The following EIF2S3B variants were observed in gnomAD, a reference collection of about 807,000 sequenced individuals.
EIF2S3B encodes eukaryotic translation initiation factor 2 subunit gamma B, also known as eukaryotic translation initiation factor 2 subunit 3B.
A neutral mutation model predicts 26.4 loss-of-function variants in EIF2S3B; 16 were observed. The observed-to-expected ratio is 0.61, with a 90% CI of 0.41 to 0.92. The LOEUF (loss-of-function observed/expected upper bound fraction) is 0.92, where lower values mean the gene tolerates loss of function less well. EIF2S3B is among the 40% of genes least tolerant of loss of function. The pLI is 0.00. For missense variants in EIF2S3B, 510 were observed against 575.5 expected, an observed-to-expected ratio of 0.89 and a Z score of 1.16; for synonymous variants, 183 against 204.4, an observed-to-expected ratio of 0.90 and a Z score of 0.89.
chr12:10,518,307 A>T (rs1353318905), intron 1 of EIF2S3B, among the ~76,000 whole-genome samples: 1 of 152,118 alleles, frequency 6.6e-6, no homozygotes, highest in African/African-American at 2.4e-5. Flanking sequence ...TTGGGTGCAT[A>T]TATATTTAGG....
chr12:10,510,572 C>G (rs1225405021), downstream of EIF2S3B, among the ~76,000 whole-genome samples: 1 of 152,174 alleles, frequency 6.6e-6, no homozygotes, highest in Admixed American at 6.5e-5. Context: ...CACCCACACT[C>G]CATCCCCAAG....
downstream of EIF2S3B, among the ~76,000 whole-genome samples, chr12:10,511,739 T>G (rs1864706282): frequency 6.6e-6 from 1 of 152,192 alleles, no homozygotes; most frequent in Non-Finnish European, 1.5e-5. Flanking sequence ...TGTTGAAGTT[T>G]ATAATGGATT....
downstream of EIF2S3B, among the ~76,000 whole-genome samples, chr12:10,510,214 G>T (rs1864690933): frequency 6.6e-6 from 1 of 152,082 alleles, no homozygotes; most frequent in African/African-American, 2.4e-5. Context: ...GTGCTTCCAG[G>T]TCTCTTTAAT....
Position 10,506,665 on chromosome 12 carries a change from C to T in EIF2S3B, c.763C>T (p.Arg255Trp), listed in dbSNP as rs112622665. Reference sequence around the variant, plus strand: ...CCCAAGAGACTTTACTTCAGAGCCCCGGCTTATTGTTATTAGATCTTTTGA... The same window carrying T: ...CCCAAGAGACTTTACTTCAGAGCCCTGGCTTATTGTTATTAGATCTTTTGA... ...VPPRDFTSEP[R>W]LIVIRSFDVN... The change falls in exon 1 of 1, where the codon CGG becomes TGG. Residue 255 changes from arginine to tryptophan, a missense_variant. By Grantham distance (101) the Arg-to-Trp change is moderately radical (BLOSUM62 -3). Coordinates refer to ENST00000538173, the MANE Select transcript of EIF2S3B (RefSeq NM_001357734.3). The T allele has an allele frequency of 3.1e-6, 5 of 1,613,730 alleles. No homozygotes were observed. Among genetic ancestry groups the T allele is most frequent in the Non-Finnish European group, 3.4e-6 (4 of 1,179,862 alleles).
chr12:10,512,806 T>G (rs887534658), downstream of EIF2S3B, among the ~76,000 whole-genome samples: 5 of 152,218 alleles, frequency 3.3e-5, no homozygotes, highest in Admixed American at 2.6e-4. Context: ...CTCTTGTATA[T>G]AATAATCTCA....
downstream of EIF2S3B, among the ~76,000 whole-genome samples, chr12:10,508,746 A>G (rs908793089): frequency 1.3e-5 from 2 of 151,918 alleles, no homozygotes; most frequent in African/African-American, 4.8e-5. Flanking sequence ...TTCTTTTGTT[A>G]GTGTAGGGCA....
downstream of EIF2S3B, among the ~76,000 whole-genome samples, chr12:10,508,960 T>G (rs1864677766): frequency 6.6e-6 from 1 of 152,134 alleles, no homozygotes; most frequent in Non-Finnish European, 1.5e-5. Context: ...CTAATATTTA[T>G]GTGAGGGTAA....
chr12:10,521,621 A>G (rs1864833678), intron 1 of EIF2S3B, among the ~76,000 whole-genome samples: 1 of 152,188 alleles, frequency 6.6e-6, no homozygotes, highest in Non-Finnish European at 1.5e-5. Flanking sequence ...CCATAAATAA[A>G]TAAGAAAAAG....
At chr12:10,510,056 T>A (rs932171700), downstream of EIF2S3B, among the ~76,000 whole-genome samples, 1 of 152,210 alleles carries the variant, frequency 6.6e-6, no homozygotes, top group Non-Finnish European at 1.5e-5. Flanking sequence ...TCTTTTCGAC[T>A]ACTCATATCA....
intron 1 of EIF2S3B, among the ~76,000 whole-genome samples, chr12:10,516,471 G>T (rs1036352795): frequency 2.7e-5 from 4 of 148,518 alleles, no homozygotes; most frequent in Non-Finnish European, 4.5e-5. Context: ...TAGAGTTTAA[G>T]ATTAAAATCA....
At position 10,507,711 on chromosome 12, in the gene EIF2S3B, GCCC is replaced by G. The variant is rs982805871; in HGVS notation, c.*394_*396del. On this transcript the variant is annotated 3_prime_UTR_variant, in exon 1 of 1. Transcript: ENST00000538173. ...AGGTTCAAGCGATTCTCCTGCCTCA[GCCC>G]CCCAAGTAGCTGAGATTACAGGTGT... Among the ~76,000 whole-genome samples the G allele has an allele frequency of 6.6e-6, 1 of 152,126 alleles. No individual in the cohort carries two copies. Among genetic ancestry groups the G allele is most frequent in the Non-Finnish European group, 1.5e-5 (1 of 68,012 alleles).
Position 10,507,174 on chromosome 12 carries a change from G to A in EIF2S3B, c.1272G>A (p.Leu424=). The change falls in exon 1 of 1, where the codon TTG becomes TTA. Residue 424 remains leucine, a synonymous_variant. Coordinates refer to ENST00000538173, the MANE Select transcript of EIF2S3B (RefSeq NM_001357734.3). Reference sequence around the variant, plus strand: ...GAGTTAGTGCTGTCAAGGCCGATTTGGGCAAAATTGTTTTGACCAATCCAG... The same window carrying A: ...GAGTTAGTGCTGTCAAGGCCGATTTAGGCAAAATTGTTTTGACCAATCCAG... The part of the protein sequence containing the change: ...GGRVSAVKAD[L]GKIVLTNPVC... 6 of 1,613,876 alleles carry A rather than the reference G, an allele frequency of 3.7e-6. No homozygotes were observed. The highest frequency in any genetic ancestry group is 5.1e-6 in the Non-Finnish European group (6 of 1,179,786).
At chr12:10,511,875 T>C (rs1864707932), downstream of EIF2S3B, among the ~76,000 whole-genome samples, 1 of 152,158 alleles carries the variant, frequency 6.6e-6, no homozygotes, top group Non-Finnish European at 1.5e-5. Flanking sequence ...AAAAGCACAG[T>C]CTATGGCTCT....
chr12:10,520,292 T>C (rs1864816193), intron 1 of EIF2S3B, among the ~76,000 whole-genome samples: 1 of 146,668 alleles, frequency 6.8e-6, no homozygotes, highest in African/African-American at 2.5e-5. Flanking sequence ...TTCTCACTCA[T>C]AGGTGGGAAT....
chr12:10,522,554 C>A (rs1864844133), intron 1 of EIF2S3B: 2 of 632,530 alleles, frequency 3.2e-6, no homozygotes, highest in Admixed American at 2.4e-5. Context: ...TGAGTTATTG[C>A]AGTTTCCATA....
chr12:10,512,578 G>A (rs1460410036), downstream of EIF2S3B, among the ~76,000 whole-genome samples: 1 of 151,868 alleles, frequency 6.6e-6, no homozygotes, highest in African/African-American at 2.4e-5. Flanking sequence ...TGACCATCAG[G>A]CATAAATTCC....
At chr12:10,522,278 T>A (rs1864839832) in intron 1 of EIF2S3B, among the ~76,000 whole-genome samples, 1 of 152,322 alleles carries the variant, frequency 6.6e-6, no homozygotes, top group South Asian at 2.1e-4. Context: ...TAGGCTGCAG[T>A]GAGCCATGAT....
chr12:10,520,476 A>T (rs1419781126), intron 1 of EIF2S3B, among the ~76,000 whole-genome samples: 2 of 151,116 alleles, frequency 1.3e-5, no homozygotes, highest in Non-Finnish European at 1.5e-5. Flanking sequence ...TAACCTGCAC[A>T]TTGTGCACAT....
At chr12:10,519,886 A>C (rs1864811621) in intron 1 of EIF2S3B, among the ~76,000 whole-genome samples, 1 of 151,984 alleles carries the variant, frequency 6.6e-6, no homozygotes, top group Admixed American at 6.5e-5. Flanking sequence ...ATGTGGAGAA[A>C]TAGGAACACT....
Sources: gnomAD v4.1 joint callset for allele counts (sites outside exome capture counted in the v4.1 genomes callset) on GRCh38, gnomAD v4.1.1 for gene constraint, MANE v1.5 for transcripts, NCBI Gene and HGNC (gene_info 2026-07-23, HGNC 2026-07-21) for gene names.